Variants in ANKDD1B observed in about 807,000 individuals in gnomAD.
The protein encoded by ANKDD1B is ankyrin repeat and death domain containing 1B.
In ANKDD1B, 57 loss-of-function variants were observed where a neutral mutation model predicts 59.7. The observed-to-expected ratio is 0.95, with a 90% confidence interval of 0.77 to 1.19. The LOEUF is 1.19. Among genes scored for constraint, ANKDD1B ranks in the 50% most tolerant of loss-of-function variants. The pLI, the probability that ANKDD1B is intolerant of heterozygous loss-of-function variation, is 0.00. For synonymous variants in ANKDD1B, 216 were observed against 239.5 expected (o/e 0.90, Z 0.91); for missense variants, 602 against 641.9 (o/e 0.94, Z 0.67).
At chr5:75,665,971 T>G (rs34356) in intron 11 of ANKDD1B, among the ~76,000 whole-genome samples, 129,343 of 152,140 alleles carry the variant, frequency 0.85, 55,295 homozygotes, top group African/African-American at 0.94. Context: ...GGTGGGCCAC[T>G]TGTCCTGCAT....
intron 3 of ANKDD1B, among the ~76,000 whole-genome samples, chr5:75,624,266 T>C (rs1424691248): frequency 6.6e-6 from 1 of 152,204 alleles, no homozygotes; most frequent in Non-Finnish European, 1.5e-5. Context: ...TTGAAAGTGA[T>C]AGAAAGTGAC....
At chr5:75,656,309 G>A (rs1015208202) in intron 9 of ANKDD1B, among the ~76,000 whole-genome samples, 182 bp downstream of exon 9, 8 of 151,938 alleles carry the variant, frequency 5.3e-5, no homozygotes, top group African/African-American at 7.3e-5. Flanking sequence ...ACATACTTTC[G>A]TCTTTCTCAG....
chr5:75,641,936 C>T lies in ANKDD1B; in HGVS notation c.798+6054C>T, dbSNP rs1162962953. Among the ~76,000 whole-genome samples the T allele has an allele frequency of 2.6e-5, 4 of 152,080 alleles. 1 individual carries two copies. Among genetic ancestry groups the T allele is most frequent in the South Asian group, 4.1e-4 (2 of 4,826 alleles). Reference sequence around the variant, plus strand: ...AGCCAAGAACTAGATACAACATATACGTGGAATGAAAGGTAGGAGAAGGCT... The same window carrying T: ...AGCCAAGAACTAGATACAACATATATGTGGAATGAAAGGTAGGAGAAGGCT... On this transcript the variant is annotated intron_variant, in intron 7 of 13. Transcript: ENST00000601380.
intron 7 of ANKDD1B, among the ~76,000 whole-genome samples, chr5:75,636,668 C>T: frequency 6.6e-6 from 1 of 152,118 alleles, no homozygotes; most frequent in Non-Finnish European, 1.5e-5. Flanking sequence ...GAGGACCAGT[C>T]AGGTGACTGC....
chr5:75,648,933 G>T (rs1486737069), intron 7 of ANKDD1B, among the ~76,000 whole-genome samples: 2 of 152,302 alleles, frequency 1.3e-5, no homozygotes, highest in African/African-American at 4.8e-5. Flanking sequence ...CATCATCAAG[G>T]GGAGTGGGTA....
At chr5:75,617,458 G>A (rs968821759) in intron 2 of ANKDD1B, among the ~76,000 whole-genome samples, 3 of 152,138 alleles carry the variant, frequency 2.0e-5, no homozygotes, top group Non-Finnish European at 2.9e-5. Flanking sequence ...GGGTTTTAGC[G>A]GAGGGAAAGT....
rs888408921 is a variant in ANKDD1B, at chr5:75,666,743, A to G, written c.1192-49A>G. The G allele has an allele frequency of 8.3e-6, 11 of 1,330,818 alleles. No homozygotes were observed. The African/African-American group carries it at 8.7e-5, about 11-fold the overall frequency. The allele number at this position is 1,330,818 out of a possible 1,614,324, so 82.4% of individuals were successfully genotyped here. A position where few individuals can be genotyped will look rare whatever the true frequency, so the allele number is the denominator to read the frequency against. On this transcript the variant is annotated intron_variant, in intron 11 of 13. Transcript: ENST00000601380. ...AACATATATACTCTGAAATAAGGTA[A>G]TAAGTAGAACATGTCTGAAATCTTC... is the stretch of plus-strand genomic sequence containing the variant.
At chr5:75,635,696 T>G in intron 6 of ANKDD1B, 88 bp from the exon 7 acceptor site, 1 of 821,750 alleles carries the variant, frequency 1.2e-6, no homozygotes, top group Non-Finnish European at 1.8e-6. Flanking sequence ...AAATGAAAAC[T>G]TCCAGAAACT....
chr5:75,662,458 T>A (rs2287708), intron 10 of ANKDD1B, among the ~76,000 whole-genome samples: 9,631 of 152,238 alleles, frequency 0.063, 482 homozygotes, highest in South Asian at 0.16. Flanking sequence ...GATATATTTC[T>A]GGATCCATAA....
intron 5 of ANKDD1B, among the ~76,000 whole-genome samples, chr5:75,631,979 C>T (rs368284406): frequency 2.6e-5 from 4 of 151,718 alleles, no homozygotes; most frequent in African/African-American, 7.3e-5. Context: ...TTGTGGTGCG[C>T]GCCTGTAATC....
rs1774966714 is a variant in ANKDD1B at position 75,656,064 on chromosome 5, C to A, written c.933C>A (p.Asn311Lys). The stretch of plus-strand genomic sequence containing the variant: ...CCCCTCTTCATTTAGTTGTTATCAA[C>A]AACCACATCACGGTTGTAAACAGTT... ...KESPLHLVVI[N>K]NHITVVNSLL... Residue 311 changes from asparagine to lysine, a missense_variant, in exon 9 of 14, where the codon AAC becomes AAA. By Grantham distance (94) the Asn-to-Lys change is moderately conservative. Transcript: ENST00000601380. 2 of 1,525,712 alleles carry A rather than the reference C, an allele frequency of 1.3e-6. No homozygotes were observed. The highest frequency in any genetic ancestry group is 1.8e-6 in the Non-Finnish European group (2 of 1,137,828). The allele number at this position is 1,525,712 out of a possible 1,614,324, so 94.5% of individuals were successfully genotyped here.
intron 3 of ANKDD1B, among the ~76,000 whole-genome samples, chr5:75,623,765 C>G (rs754368535): frequency 2.0e-5 from 3 of 152,076 alleles, no homozygotes; most frequent in South Asian, 4.1e-4. Context: ...ATATTAACCT[C>G]CCCCCACCCA....
chr5:75,628,188 C>A (rs1774042858), intron 5 of ANKDD1B, among the ~76,000 whole-genome samples: 1 of 152,032 alleles, frequency 6.6e-6, no homozygotes, highest in South Asian at 2.1e-4. Flanking sequence ...TGACAAAAGT[C>A]AGTTGGAATG....
intron 7 of ANKDD1B, among the ~76,000 whole-genome samples, chr5:75,641,124 A>C (rs966359216): frequency 6.6e-6 from 1 of 152,236 alleles, no homozygotes; most frequent in African/African-American, 2.4e-5. Flanking sequence ...AATGCAGAAT[A>C]CTTTTGTATG....
chr5:75,631,966 G>A (rs1490207546), intron 5 of ANKDD1B, among the ~76,000 whole-genome samples: 2 of 151,926 alleles, frequency 1.3e-5, no homozygotes, highest in African/African-American at 2.4e-5. Context: ...AATTAGCTGG[G>A]CATTGTGGTG....
At chr5:75,664,096 A>G (rs1178468430) in intron 11 of ANKDD1B, among the ~76,000 whole-genome samples, 1 of 152,202 alleles carries the variant, frequency 6.6e-6, no homozygotes, top group East Asian at 1.9e-4. Flanking sequence ...TGGCACTGCC[A>G]GGCACCATTC....
Position 75,656,529 on chromosome 5 carries a change from A to T in ANKDD1B, c.996+402A>T, listed in dbSNP as rs576579968. On this transcript the variant is annotated intron_variant, in intron 9 of 13. Coordinates refer to ENST00000601380, the MANE Select transcript of ANKDD1B (RefSeq NM_001276713.2). Reference sequence around the variant, plus strand: ...TTTCTATATTAAAGACAGTAAATGTATCTTCTCTTTACCTAAAGGCAAAAG... The same window carrying T: ...TTTCTATATTAAAGACAGTAAATGTTTCTTCTCTTTACCTAAAGGCAAAAG... 3.3e-5 allele frequency among the ~76,000 whole-genome samples: 5 copies of T among 152,370 alleles called. No individual in the cohort carries two copies. In the East Asian group the frequency reaches 9.6e-4, roughly 29 times the overall value.
intron 10 of ANKDD1B, among the ~76,000 whole-genome samples, chr5:75,661,824 A>G (rs1264109486): frequency 6.6e-6 from 1 of 151,282 alleles, no homozygotes; most frequent in Admixed American, 6.6e-5. Flanking sequence ...TTTCTTTTCA[A>G]GGTCTGGCAC....
Position 75,625,647 on chromosome 5 carries a change from C to G in ANKDD1B, c.397C>G (p.His133Asp). ...CTCTTTTTCTGTCTTCTTGGGGAAG[C>G]ACGGCTTGACAGTAATTCACCTTGC... ...HKARVDVADK[H>D]GLTVIHLAAW... The change falls in exon 4 of 14, where the codon CAC becomes GAC. Residue 133 changes from histidine to aspartate, a missense_variant and splice_region_variant. This residue lies in a region of ANKDD1B where 317 missense variants were observed against 304.6 expected (regional missense o/e 1.04). Transcript: ENST00000601380. 1 of 1,535,832 alleles carries G rather than the reference C, an allele frequency of 6.5e-7. No homozygotes were observed. The highest frequency in any genetic ancestry group is 1.4e-5 in the African/African-American group (1 of 73,102).
Sources: gnomAD v4.1 joint callset for allele counts (sites outside exome capture counted in the v4.1 genomes callset) on GRCh38, gnomAD v4.1.1 for gene constraint, gnomAD v4.1.1 regional missense constraint, MANE v1.5 for transcripts, NCBI Gene and HGNC (gene_info 2026-07-23, HGNC 2026-07-21) for gene names.